LYPD5: variants seen among roughly 807,000 people sequenced by gnomAD.
The protein encoded by LYPD5 is LY6/PLAUR domain containing 5, also known as ly6/PLAUR domain-containing protein 5.
Under a neutral mutation model 19.1 loss-of-function variants are expected in LYPD5, and 21 were observed. The ratio of observed to expected loss-of-function variants is 1.10; its 90% CI spans 0.78 to 1.58. LYPD5 has a LOEUF of 1.58. Ranked by LOEUF, LYPD5 falls within the 40% of genes most tolerant of loss-of-function variation. LYPD5 has a pLI of 0.00. For synonymous variants in LYPD5, 128 were observed against 142.7 expected, an observed-to-expected ratio of 0.90 and a Z score of 0.74; for missense variants, 287 against 329.8, an observed-to-expected ratio of 0.87 and a Z score of 1.00.
intron 1 of LYPD5, among the ~76,000 whole-genome samples, chr19:43,811,661 G>C (rs764267638): frequency 5.9e-4 from 86 of 145,124 alleles, no homozygotes; most frequent in Non-Finnish European, 1.1e-3. Context: ...CCTCTAGCCT[G>C]GGTGACAAAG....
At chr19:43,814,104 T>C (rs1166271225) in intron 1 of LYPD5, among the ~76,000 whole-genome samples, 2 of 152,202 alleles carry the variant, frequency 1.3e-5, no homozygotes, top group Non-Finnish European at 2.9e-5. Context: ...GAGCTTCCAG[T>C]CTCATTCCTT....
At chr19:43,798,313 C>T in intron 4 of LYPD5, 142 bp downstream of exon 4, 3 of 1,091,422 alleles carry the variant, frequency 2.7e-6, no homozygotes, top group Non-Finnish European at 4.0e-6. Flanking sequence ...AGGGTCAAAC[C>T]TTCTCCCTCA....
At chr19:43,799,084 C>G (rs1420075424) in intron 2 of LYPD5, 96 bp from the exon 3 acceptor site, 1 of 1,370,094 alleles carries the variant, frequency 7.3e-7, no homozygotes, top group Non-Finnish European at 9.7e-7. Flanking sequence ...TCACTTTCAC[C>G]TACACCTCCT....
chr19:43,801,296 T>C (rs1188803743), intron 1 of LYPD5, among the ~76,000 whole-genome samples: 1 of 152,130 alleles, frequency 6.6e-6, no homozygotes, highest in Non-Finnish European at 1.5e-5. Flanking sequence ...GCTCAGGAGT[T>C]TGAGACCAGC....
At chr19:43,799,542 C>T (rs538764722) in intron 2 of LYPD5, among the ~76,000 whole-genome samples, 164 bp downstream of exon 2, 1 of 152,296 alleles carries the variant, frequency 6.6e-6, no homozygotes, top group African/African-American at 2.4e-5. Context: ...TGCCCCAGCC[C>T]TCATCCACCC....
chr19:43,802,197 C>G, intron 1 of LYPD5, 120 bp downstream of exon 1: 1 of 736,818 alleles, frequency 1.4e-6, no homozygotes, highest in Non-Finnish European at 2.2e-6. Flanking sequence ...CCCAGGAGAT[C>G]AGGCCCCCAA....
chr19:43,799,591 A>T, intron 2 of LYPD5, 115 bp downstream of exon 2: 1 of 1,135,418 alleles, frequency 8.8e-7, no homozygotes, highest in African/African-American at 1.6e-5. Flanking sequence ...CTCCCTCCCC[A>T]TCTTTCTATC....
chr19:43,810,948 T>A (rs990896430), intron 1 of LYPD5, among the ~76,000 whole-genome samples: 1 of 152,052 alleles, frequency 6.6e-6, no homozygotes, highest in Non-Finnish European at 1.5e-5. Context: ...AAATATTTTT[T>A]AAATAATAGT....
At chr19:43,810,204 A>G (rs1193876343) in intron 1 of LYPD5, among the ~76,000 whole-genome samples, 2 of 150,064 alleles carry the variant, frequency 1.3e-5, no homozygotes, top group Non-Finnish European at 2.9e-5. Flanking sequence ...AACAAAATCC[A>G]TTTTACTTTT....
intron 1 of LYPD5, among the ~76,000 whole-genome samples, chr19:43,813,147 G>C (rs1440084036): frequency 1.3e-5 from 2 of 152,202 alleles, no homozygotes; most frequent in African/African-American, 4.8e-5. Context: ...TTGAGAAGCA[G>C]TTGCATATCA....
intron 4 of LYPD5, 57 bp from the exon 5 acceptor site, chr19:43,797,886 G>T: frequency 7.4e-7 from 1 of 1,346,586 alleles, no homozygotes; most frequent in Non-Finnish European, 1.1e-6. Context: ...AGCTGCACCT[G>T]AACCTTCACC....
In LYPD5 at chr19:43,810,571, C is replaced by CTCCCCTCCCT. The variant is rs1490223584; in HGVS notation, c.-66+9959_-66+9968dup. ...CTCCCCTCCCTTCCCCTCCCCTCCC[C>CTCCCCTCCCT]TCCCCTCCCTTCCCCTCCTCTCCCC... On this transcript the variant is annotated intron_variant, in intron 1 of 4. Transcript: ENST00000414615. Among the ~76,000 whole-genome samples, 11 of 116,358 alleles carry CTCCCCTCCCT rather than the reference C, an allele frequency of 9.5e-5. No homozygotes were observed. The East Asian group carries it at 3.7e-3, about 39-fold the overall frequency. The allele number at this position is 116,358 out of a possible 152,430, so 76.3% of individuals were successfully genotyped here.
intron 1 of LYPD5, among the ~76,000 whole-genome samples, chr19:43,814,271 G>A (rs1970352245): frequency 6.6e-6 from 1 of 152,110 alleles, no homozygotes; most frequent in Admixed American, 6.5e-5. Context: ...GCGGGACGAT[G>A]GCTTGAGCCC....
intron 4 of LYPD5, 52 bp downstream of exon 4, chr19:43,798,403 G>A (rs1599692418): frequency 1.3e-6 from 2 of 1,591,698 alleles, no homozygotes; most frequent in Non-Finnish European, 1.7e-6. Flanking sequence ...CCTCATGGCT[G>A]CCCTGCCTCC....
At chr19:43,812,633 G>A (rs1970336027) in intron 1 of LYPD5, among the ~76,000 whole-genome samples, 1 of 152,102 alleles carries the variant, frequency 6.6e-6, no homozygotes, top group Non-Finnish European at 1.5e-5. Context: ...CAATAATTGT[G>A]ACAGTGATAA....
rs1970135258 is a variant in LYPD5, at chr19:43,796,723, A to G, written c.*868T>C. 1 of 152,194 alleles carries G rather than the reference A, an allele frequency of 6.6e-6. No homozygotes were observed. The highest frequency in any genetic ancestry group is 2.4e-5 in the African/African-American group (1 of 41,434). 9.4% of individuals were successfully genotyped at this position (152,194 alleles called of 1,614,324 possible). On this transcript the variant is annotated 3_prime_UTR_variant, in exon 5 of 5. Coordinates refer to ENST00000377950, the MANE Select transcript of LYPD5 (RefSeq NM_001031749.3). ...CTCACTAGATACACAAGCTCAACCA[A>G]GTGCTTTTGCCTCTCAGTTTGTTGA...
intron 1 of LYPD5, among the ~76,000 whole-genome samples, chr19:43,812,849 G>T (rs1568406676): frequency 6.6e-6 from 1 of 152,190 alleles, no homozygotes; most frequent in Non-Finnish European, 1.5e-5. Flanking sequence ...GAAAAGAGTG[G>T]TAACTTCTAG....
Position 43,796,844 on chromosome 19 carries a change from A to C in LYPD5, c.*747T>G, listed in dbSNP as rs878865386. ...TTCATCTCGTTGAATCCTCACTGCAACTACTGTGAAGTAGTTCTTGTCATG... is the reference window on the plus strand; with the variant it reads ...TTCATCTCGTTGAATCCTCACTGCACCTACTGTGAAGTAGTTCTTGTCATG... On this transcript the variant is annotated 3_prime_UTR_variant, in exon 5 of 5. Coordinates refer to ENST00000377950, the MANE Select transcript of LYPD5 (RefSeq NM_001031749.3). 1 of 152,230 alleles carries C rather than the reference A, an allele frequency of 6.6e-6. No individual in the cohort carries two copies. The allele number at this position is 152,230 out of a possible 1,614,324, so 9.4% of individuals were successfully genotyped here.
intron 2 of LYPD5, among the ~76,000 whole-genome samples, chr19:43,799,461 T>C (rs1469684015): frequency 1.3e-5 from 2 of 152,112 alleles, no homozygotes; most frequent in African/African-American, 4.8e-5. Context: ...GCCAGGCTGG[T>C]CTCAAACTTC....
Sources: allele counts gnomAD v4.1 joint callset (sites outside exome capture counted in the v4.1 genomes callset), GRCh38; gene constraint gnomAD v4.1.1; transcripts MANE v1.5; gene names NCBI Gene and HGNC (gene_info 2026-07-23, HGNC 2026-07-21).